Variants in CADPS observed in about 807,000 individuals in gnomAD.
The protein encoded by CADPS is calcium dependent secretion activator.
Under a neutral mutation model 167.3 loss-of-function variants are expected in CADPS, and 57 were observed. The ratio of observed to expected loss-of-function variants is 0.34; its 90% CI spans 0.28 to 0.42. The LOEUF is 0.42. Among genes scored for constraint, CADPS ranks in the 20% least tolerant of loss-of-function variants. The pLI, the probability that CADPS is intolerant of heterozygous loss-of-function variation, is 1.00. For missense variants in CADPS, 1,414 were observed against 1,738.1 expected (o/e 0.81, Z 3.32); for synonymous variants, 676 against 635.3 (o/e 1.06, Z -0.96).
At chr3:62,696,890 G>T (rs920182485) in intron 3 of CADPS, among the ~76,000 whole-genome samples, 3 of 151,974 alleles carry the variant, frequency 2.0e-5, no homozygotes, top group African/African-American at 7.3e-5. Flanking sequence ...TGATATCCTG[G>T]AATGTGAAAA....
intron 27 of CADPS, chr3:62,440,881 C>A (rs1318174567): frequency 6.6e-6 from 1 of 152,142 alleles, no homozygotes; most frequent in Non-Finnish European, 1.5e-5. Context: ...GCAAGCCTCC[C>A]CTATATCTTG....
chr3:62,836,431 G>T (rs779336392), intron 1 of CADPS, among the ~76,000 whole-genome samples: 4 of 152,076 alleles, frequency 2.6e-5, no homozygotes, highest in African/African-American at 7.2e-5. Flanking sequence ...AGAAAAATAC[G>T]CACTAGATGC....
At chr3:62,592,520 T>C (rs1239951653) in intron 7 of CADPS, 117 bp downstream of exon 7, 2 of 728,826 alleles carry the variant, frequency 2.7e-6, no homozygotes, top group African/African-American at 1.8e-5. Flanking sequence ...CAGGACTTAA[T>C]GTTCAAAACT....
chr3:62,553,032 C>T (rs1410521306), intron 10 of CADPS, among the ~76,000 whole-genome samples: 1 of 152,000 alleles, frequency 6.6e-6, no homozygotes, highest in Non-Finnish European at 1.5e-5. Flanking sequence ...GAAAAGTGAG[C>T]AATAAAGAGT....
At chr3:62,560,233 T>C (rs1022595675) in intron 9 of CADPS, among the ~76,000 whole-genome samples, 1 of 152,214 alleles carries the variant, frequency 6.6e-6, no homozygotes. Context: ...GGAATCTCAC[T>C]TTTTATAGAC....
intron 3 of CADPS, among the ~76,000 whole-genome samples, chr3:62,680,994 C>T (rs939974105): frequency 2.4e-4 from 37 of 151,992 alleles, no homozygotes; most frequent in African/African-American, 8.2e-4. Context: ...CCTCCACTCC[C>T]GCCATGTTCC....
chr3:62,581,714 A>T (rs2083469080), intron 8 of CADPS, among the ~76,000 whole-genome samples: 1 of 151,992 alleles, frequency 6.6e-6, no homozygotes, highest in Admixed American at 6.6e-5. Flanking sequence ...GTGGATGAGA[A>T]AGAAAAATGT....
At chr3:62,402,249 G>GC (rs1479289794) in intron 29 of CADPS, among the ~76,000 whole-genome samples, 2 of 133,884 alleles carry the variant, frequency 1.5e-5, no homozygotes, top group East Asian at 2.6e-4. Flanking sequence ...CGGGGGGGGG[G>GC]GGTGCCCAGG....
intron 21 of CADPS, among the ~76,000 whole-genome samples, chr3:62,490,637 G>T (rs952074322): frequency 6.6e-6 from 1 of 152,228 alleles, no homozygotes; most frequent in Non-Finnish European, 1.5e-5. Context: ...AAAAGCACAC[G>T]GTTGTCAAAT....
chr3:62,774,222 G>T (rs1335999018), intron 1 of CADPS, among the ~76,000 whole-genome samples: 2 of 152,034 alleles, frequency 1.3e-5, no homozygotes, highest in Non-Finnish European at 2.9e-5. Flanking sequence ...CACCCTTCCG[G>T]CCACAAAGCT....
At chr3:62,861,955 G>A (rs2080877137) in intron 1 of CADPS, among the ~76,000 whole-genome samples, 1 of 151,990 alleles carries the variant, frequency 6.6e-6, no homozygotes, top group Non-Finnish European at 1.5e-5. Flanking sequence ...GTCAGCTTGA[G>A]GCTTAGTTCA....
intron 7 of CADPS, among the ~76,000 whole-genome samples, chr3:62,585,997 G>A (rs938012744): frequency 6.6e-6 from 1 of 152,174 alleles, no homozygotes; most frequent in Non-Finnish European, 1.5e-5. Context: ...GTTTGATTTG[G>A]GTCTTCTGCA....
chr3:62,651,832 C>G (rs1440248257), intron 4 of CADPS, among the ~76,000 whole-genome samples: 1 of 152,196 alleles, frequency 6.6e-6, no homozygotes, highest in Non-Finnish European at 1.5e-5. Context: ...GAAACATAAA[C>G]TTGCCCTCCC....
rs941708289 is a variant in CADPS, at chr3:62,602,700, G to A, written c.1326-9952C>T. On this transcript the variant is annotated intron_variant, in intron 6 of 29. Coordinates refer to ENST00000383710, the MANE Select transcript of CADPS (RefSeq NM_003716.4). The surrounding 1 kb of genome is among the most constrained non-coding windows in gnomAD (Gnocchi z 4.4). ...GCGTTTGCTTTGTAGAAATTGGGCT[G>A]TCTGGGAGGCAGAGATGAAGGCTTT... Among the ~76,000 whole-genome samples, 1 of 152,162 alleles carries A rather than the reference G, an allele frequency of 6.6e-6. No individual in the cohort carries two copies. The highest frequency in any genetic ancestry group is 2.4e-5 in the African/African-American group (1 of 41,444).
intron 13 of CADPS, among the ~76,000 whole-genome samples, chr3:62,524,480 G>C (rs2071546815): frequency 6.6e-6 from 1 of 152,106 alleles, no homozygotes; most frequent in Admixed American, 6.6e-5. Flanking sequence ...AAGATAGGAA[G>C]CAACAATAAG....
chr3:62,737,643 C>G (rs1207676501), intron 3 of CADPS, among the ~76,000 whole-genome samples: 1 of 152,144 alleles, frequency 6.6e-6, no homozygotes, highest in Non-Finnish European at 1.5e-5. Flanking sequence ...GAGGTATGGC[C>G]TAAGATAGCC....
rs754458169 is a variant in CADPS at position 62,433,615 on chromosome 3, T to C, written c.3777+4489A>G. On this transcript the variant is annotated intron_variant, in intron 28 of 29. Coordinates refer to ENST00000383710, the MANE Select transcript of CADPS (RefSeq NM_003716.4). The surrounding 1 kb of genome is among the most constrained non-coding windows in gnomAD (Gnocchi z 4.7). ...GGGGCCTGAAGAAAGCCAGTGCGGA[T>C]GCGGCATTACTACCAATGTGGATTC... Among the ~76,000 whole-genome samples the C allele has an allele frequency of 4.1e-4, 62 of 152,160 alleles. No individual in the cohort carries two copies. Among genetic ancestry groups the C allele is most frequent in the Non-Finnish European group, 7.5e-4 (51 of 68,020 alleles).
chr3:62,612,794 C>G (rs1315247218), intron 6 of CADPS, among the ~76,000 whole-genome samples: 1 of 152,136 alleles, frequency 6.6e-6, no homozygotes, highest in Non-Finnish European at 1.5e-5. Context: ...ACTGATTTAG[C>G]CTCCTTTGTT....
chr3:62,492,458 G>C lies in CADPS; in HGVS notation c.2728-12C>G, dbSNP rs775420872. On this transcript the variant is annotated splice_polypyrimidine_tract_variant and intron_variant, in intron 19 of 29. Transcript: ENST00000383710. ...CACCACGCAAAGGCCTTTAAAATTT[G>C]GCAGAAAAACAATAGACAAAGAAGT... 111 of 1,609,722 alleles carry C rather than the reference G, an allele frequency of 6.9e-5. No individual in the cohort carries two copies. The Admixed American group carries it at 1.7e-3, about 25-fold the overall frequency.
Sources: allele counts gnomAD v4.1 joint callset (sites outside exome capture counted in the v4.1 genomes callset), GRCh38; gene constraint gnomAD v4.1.1; non-coding constraint Gnocchi (gnomAD v3.1); transcripts MANE v1.5; gene names NCBI Gene and HGNC (gene_info 2026-07-23, HGNC 2026-07-21).